Variants in SLC35F1 observed in about 807,000 individuals in gnomAD.
SLC35F1 encodes the protein chromosome 6 open reading frame 169.
In SLC35F1, 14 loss-of-function variants were observed where a neutral mutation model predicts 48.7. The observed-to-expected ratio is 0.29, with a 90% CI of 0.19 to 0.45. The LOEUF (loss-of-function observed/expected upper bound fraction) is 0.45. SLC35F1 is among the 20% of genes least tolerant of loss of function. The probability of loss-of-function intolerance (pLI) is 1.00; values close to 1 mark genes in which losing one functional copy is unlikely to be tolerated. For synonymous variants in SLC35F1, 190 were observed against 202.2 expected, an observed-to-expected ratio of 0.94 and a Z score of 0.51; for missense variants, 404 against 500.0, an observed-to-expected ratio of 0.81 and a Z score of 1.83.
intron 1 of SLC35F1, among the ~76,000 whole-genome samples, chr6:117,913,648 A>G (rs913902119): frequency 6.6e-6 from 1 of 152,242 alleles, no homozygotes; most frequent in Non-Finnish European, 1.5e-5. Flanking sequence ...AACAATAACA[A>G]TAAATATTCT....
intron 1 of SLC35F1, among the ~76,000 whole-genome samples, chr6:118,098,834 A>T (rs1469865406): frequency 6.6e-6 from 1 of 152,160 alleles, no homozygotes; most frequent in African/African-American, 2.4e-5. Context: ...TTTTATATAT[A>T]TTTTATTTTA....
intron 1 of SLC35F1, among the ~76,000 whole-genome samples, chr6:118,046,091 T>C (rs1772295942): frequency 6.6e-6 from 1 of 152,182 alleles, no homozygotes; most frequent in Non-Finnish European, 1.5e-5. Flanking sequence ...GTGAACACTA[T>C]CCTAAAATAA....
At chr6:118,001,172 A>G (rs572780427) in intron 1 of SLC35F1, among the ~76,000 whole-genome samples, 74 of 152,386 alleles carry the variant, frequency 4.9e-4, no homozygotes, top group African/African-American at 1.7e-3. Context: ...ACAAAGCTGG[A>G]GGCATCACAC....
intron 7 of SLC35F1, among the ~76,000 whole-genome samples, chr6:118,308,271 T>C (rs1296255380): frequency 6.6e-6 from 1 of 152,212 alleles, no homozygotes; most frequent in Admixed American, 6.5e-5. Context: ...TGCAAGTTGA[T>C]TTATTTTCAT....
chr6:118,248,180 A>G (rs1775531480), intron 3 of SLC35F1, among the ~76,000 whole-genome samples: 1 of 152,182 alleles, frequency 6.6e-6, no homozygotes, highest in Non-Finnish European at 1.5e-5. Flanking sequence ...ATATGTAAAC[A>G]CCTGCACATC....
chr6:118,128,675 G>C lies in SLC35F1; in HGVS notation c.174-25770G>C, dbSNP rs566659710. On this transcript the variant is annotated intron_variant, in intron 1 of 7. Coordinates refer to ENST00000360388, the MANE Select transcript of SLC35F1 (RefSeq NM_001029858.4). ...AGGGACTGTTGTGGGGTGGGAGGAG[G>C]GGGGAGGGATAGCATTAGGAGATAT... is the stretch of plus-strand genomic sequence containing the variant. Among the ~76,000 whole-genome samples the C allele has an allele frequency of 9.6e-4, 146 of 152,018 alleles. 1 individual carries two copies. Among genetic ancestry groups the C allele is most frequent in the African/African-American group, 3.4e-3 (140 of 41,468 alleles).
intron 1 of SLC35F1, among the ~76,000 whole-genome samples, chr6:118,043,529 T>C (rs866351234): frequency 2.0e-5 from 3 of 152,316 alleles, no homozygotes; most frequent in Middle Eastern, 6.8e-3. Flanking sequence ...TATGTCTATC[T>C]TATTTTCAAC....
intron 1 of SLC35F1, among the ~76,000 whole-genome samples, chr6:117,957,741 T>C (rs1776445524): frequency 2.0e-5 from 3 of 152,228 alleles, no homozygotes. Context: ...ATACTACTCA[T>C]GTGTTTGTGG....
chr6:118,282,730 C>T (rs1351527239), intron 6 of SLC35F1, among the ~76,000 whole-genome samples: 1 of 152,168 alleles, frequency 6.6e-6, no homozygotes, highest in African/African-American at 2.4e-5. Context: ...TCTAAATTAG[C>T]CAGAACCCCT....
intron 1 of SLC35F1, among the ~76,000 whole-genome samples, chr6:118,024,313 A>G (rs1388436203): frequency 1.3e-5 from 2 of 152,194 alleles, no homozygotes; most frequent in Non-Finnish European, 2.9e-5. Context: ...TCTTCCTACT[A>G]CATTTTCTCC....
chr6:118,022,083 G>T (rs1777403086), intron 1 of SLC35F1, among the ~76,000 whole-genome samples: 1 of 152,144 alleles, frequency 6.6e-6, no homozygotes, highest in Admixed American at 6.5e-5. Flanking sequence ...AGAGAGGATT[G>T]CCAAAACCAC....
At chr6:118,006,972 C>T (rs1418780736) in intron 1 of SLC35F1, among the ~76,000 whole-genome samples, 1 of 151,312 alleles carries the variant, frequency 6.6e-6, no homozygotes, top group Non-Finnish European at 1.5e-5. Context: ...TTTCAGAAAA[C>T]ATGTTATATA....
At chr6:118,174,210 T>C (rs1353948213) in intron 2 of SLC35F1, among the ~76,000 whole-genome samples, 1 of 152,092 alleles carries the variant, frequency 6.6e-6, no homozygotes, top group Admixed American at 6.6e-5. Flanking sequence ...ATGTGACACA[T>C]GGTCAAGAGA....
At chr6:118,287,123 G>A (rs1051794114) in intron 7 of SLC35F1, among the ~76,000 whole-genome samples, 1 of 152,120 alleles carries the variant, frequency 6.6e-6, no homozygotes, top group Non-Finnish European at 1.5e-5. Context: ...GTCCTCATAA[G>A]GGTAAAAAGC....
chr6:118,135,490 A>G (rs1049690482), intron 1 of SLC35F1, among the ~76,000 whole-genome samples: 8 of 152,218 alleles, frequency 5.3e-5, no homozygotes, highest in Non-Finnish European at 1.0e-4. Flanking sequence ...TGTTGGAAGC[A>G]TTTAGATGCC....
intron 1 of SLC35F1, among the ~76,000 whole-genome samples, chr6:118,130,110 T>C (rs1773688036): frequency 1.3e-5 from 2 of 152,188 alleles, no homozygotes; most frequent in African/African-American, 4.8e-5. Context: ...TCTTCCTAGT[T>C]TGAAGCCTTG....
chr6:118,070,501 C>T (rs1008874134), intron 1 of SLC35F1, among the ~76,000 whole-genome samples: 6 of 152,074 alleles, frequency 3.9e-5, no homozygotes, highest in Non-Finnish European at 8.8e-5. Flanking sequence ...TGCACATACA[C>T]ATACATAACT....
At chr6:118,140,478 A>G (rs1464561698) in intron 1 of SLC35F1, among the ~76,000 whole-genome samples, 2 of 152,242 alleles carry the variant, frequency 1.3e-5, no homozygotes, top group African/African-American at 2.4e-5. Flanking sequence ...TAGCACATAC[A>G]ATTATGTACA....
At chr6:118,211,386 A>C (rs205915) in intron 2 of SLC35F1, among the ~76,000 whole-genome samples, 107,725 of 152,126 alleles carry the variant, frequency 0.71, 39,191 homozygotes, top group African/African-American at 0.86. Flanking sequence ...GTCTTACGCA[A>C]AAAACCTTAG....
Sources: allele counts gnomAD v4.1 joint callset (sites outside exome capture counted in the v4.1 genomes callset), GRCh38; gene constraint gnomAD v4.1.1; transcripts MANE v1.5; gene names NCBI Gene and HGNC (gene_info 2026-07-23, HGNC 2026-07-21).